MSL2: variants seen among roughly 807,000 people sequenced by gnomAD.
The protein encoded by MSL2 is E3 ubiquitin-protein ligase MSL2.
A neutral mutation model predicts 35.8 loss-of-function variants in MSL2; 2 were observed. The observed-to-expected ratio is 0.06, with a 90% CI of 0.02 to 0.18. MSL2 has a LOEUF of 0.18. Ranked by LOEUF, MSL2 falls within the 10% of genes least tolerant of loss-of-function variation. The pLI is 1.00. For synonymous variants in MSL2, 296 were observed against 255.7 expected (o/e 1.16, Z -1.50); for missense variants, 523 against 706.7 (o/e 0.74, Z 2.95).
intron 1 of MSL2, among the ~76,000 whole-genome samples, chr3:136,187,767 T>A (rs1167662416): frequency 6.6e-6 from 1 of 152,118 alleles, no homozygotes; most frequent in Non-Finnish European, 1.5e-5. Context: ...TTCAAATGCT[T>A]ATAACACTGA....
rs570445563 is a variant in MSL2 at position 136,182,485 on chromosome 3, G to C, written c.142+12487C>G. ...AAATATAAACCCTACAACCATCCTA[G>C]CTTATTGCCTGGGAATACTTTTCAG... is the stretch of plus-strand genomic sequence containing the variant. On this transcript the variant is annotated intron_variant, in intron 1 of 1. Coordinates refer to ENST00000309993, the MANE Select transcript of MSL2 (RefSeq NM_018133.4). Among the ~76,000 whole-genome samples, 4 of 152,260 alleles carry C rather than the reference G, an allele frequency of 2.6e-5. No homozygotes were observed. The South Asian group carries it at 6.2e-4, about 24-fold the overall frequency.
At chr3:136,153,159 C>A (rs1301970251) in intron 1 of MSL2, 1 of 654,650 alleles carries the variant, frequency 1.5e-6, no homozygotes, top group Non-Finnish European at 1.9e-6. Flanking sequence ...GGCTTGAGCC[C>A]TAGAGTTCAG....
rs1361098729 is a variant in MSL2 at position 136,195,876 on chromosome 3, C to CG, written c.-764dup. ...GCCGCCGCCGGCGGGCGGGAGGGGGCGGGGGGCAAGCCCGGCCGGGCCGCG... is the reference window on the plus strand; with the variant it reads ...GCCGCCGCCGGCGGGCGGGAGGGGGCGGGGGGGCAAGCCCGGCCGGGCCGCG... On this transcript the variant is annotated 5_prime_UTR_variant, in exon 1 of 2. Coordinates refer to ENST00000309993, the MANE Select transcript of MSL2 (RefSeq NM_018133.4). 5 of 932,750 alleles carry CG rather than the reference C, an allele frequency of 5.4e-6. No homozygotes were observed. The highest frequency in any genetic ancestry group is 6.4e-6 in the Non-Finnish European group (5 of 784,148). 57.8% of individuals were successfully genotyped at this position (932,750 alleles called of 1,614,324 possible). A position where few individuals can be genotyped will look rare whatever the true frequency, so the allele number is the denominator to read the frequency against.
chr3:136,182,151 A>T (rs1277415882), intron 1 of MSL2, among the ~76,000 whole-genome samples: 4 of 152,212 alleles, frequency 2.6e-5, no homozygotes, highest in Non-Finnish European at 4.4e-5. Context: ...TTATATCTGC[A>T]ATGTCCAATA....
At chr3:136,171,897 C>CTT (rs144650027) in intron 1 of MSL2, among the ~76,000 whole-genome samples, 2 of 151,710 alleles carry the variant, frequency 1.3e-5, no homozygotes, top group African/African-American at 4.8e-5. Flanking sequence ...GAAACTTTTT[C>CTT]TTTTTTTTGG....
intron 1 of MSL2, chr3:136,152,941 A>C: frequency 1.0e-6 from 1 of 985,440 alleles, no homozygotes; most frequent in Non-Finnish European, 1.2e-6. Flanking sequence ...CCATTCAGTT[A>C]TCTCAAACCA....
chr3:136,161,847 C>A (rs1939714630), intron 1 of MSL2, among the ~76,000 whole-genome samples: 1 of 152,106 alleles, frequency 6.6e-6, no homozygotes, highest in Non-Finnish European at 1.5e-5. Context: ...CAACCTTCTA[C>A]CTAATGCCAA....
intron 1 of MSL2, among the ~76,000 whole-genome samples, chr3:136,155,099 T>C (rs1939480881): frequency 6.6e-6 from 1 of 151,674 alleles, no homozygotes; most frequent in South Asian, 2.1e-4. Flanking sequence ...TCCCAGCTAC[T>C]CGGGGGAGCT....
At chr3:136,178,741 G>C (rs1360766724) in intron 1 of MSL2, among the ~76,000 whole-genome samples, 3 of 46,648 alleles carry the variant, frequency 6.4e-5, no homozygotes, top group African/African-American at 2.8e-4. Flanking sequence ...CACCATGTTG[G>C]CCAGGCTGGT....
intron 1 of MSL2, among the ~76,000 whole-genome samples, chr3:136,191,700 G>T (rs1247253881): frequency 1.3e-5 from 2 of 152,058 alleles, no homozygotes; most frequent in African/African-American, 4.8e-5. Flanking sequence ...ATGAATCCAG[G>T]AGTTTAAGGC....
intron 1 of MSL2, among the ~76,000 whole-genome samples, chr3:136,187,492 G>A (rs1477262800): frequency 1.3e-5 from 2 of 151,714 alleles, no homozygotes; most frequent in African/African-American, 4.8e-5. Flanking sequence ...GTGAAACCCT[G>A]TCTCTACTAA....
At chr3:136,172,154 T>G (rs377391986) in intron 1 of MSL2, among the ~76,000 whole-genome samples, 4 of 152,274 alleles carry the variant, frequency 2.6e-5, no homozygotes, top group Admixed American at 6.5e-5. Context: ...TAAAGTCCAA[T>G]GAAAGCTTGA....
Position 136,195,542 on chromosome 3 carries a change from G to A in MSL2, c.-429C>T. 1 of 1,002,782 alleles carries A rather than the reference G, an allele frequency of 1.0e-6. No individual in the cohort carries two copies. The allele number at this position is 1,002,782 out of a possible 1,614,324, so 62.1% of individuals were successfully genotyped here. A position where few individuals can be genotyped will look rare whatever the true frequency, so the allele number is the denominator to read the frequency against. ...GCGGGAGCAGGCCCCGGCCCCGTCT[G>A]AGGCGCGGCACGCTTCTCCCGGGCT... On this transcript the variant is annotated 5_prime_UTR_variant, in exon 1 of 2. Transcript: ENST00000309993.
chr3:136,167,735 TTTTAAA>T (rs1161711232), intron 1 of MSL2, among the ~76,000 whole-genome samples: 1 of 152,154 alleles, frequency 6.6e-6, no homozygotes, highest in African/African-American at 2.4e-5. Flanking sequence ...GAAACCAGAA[TTTTAAA>T]TGGTCAAGGT....
chr3:136,167,343 A>G (rs1271807542), intron 1 of MSL2, among the ~76,000 whole-genome samples: 1 of 113,446 alleles, frequency 8.8e-6, no homozygotes, highest in African/African-American at 4.9e-5. Flanking sequence ...GTTCTATAGA[A>G]AAAAAAAAAT....
intron 1 of MSL2, among the ~76,000 whole-genome samples, chr3:136,193,823 TACTC>T (rs1274984749): frequency 4.6e-5 from 7 of 152,286 alleles, no homozygotes; most frequent in Admixed American, 2.0e-4. Context: ...CTTAATGACT[TACTC>T]AGTTACTTAA....
rs1161962069 is a variant in MSL2 at position 136,151,444 on chromosome 3, T to C, written c.1437A>G (p.Gln479=). ...TGCGGTTAGAGTAGCAAGGGCAGCG[T>C]TGGCCTCGGCATGTAAGAACACTTG... is the stretch of plus-strand genomic sequence containing the variant. ...QNPSVLTCRG[Q]RCPCYSNRKA... Residue 479 remains glutamine, a synonymous_variant, in exon 2 of 2, where the codon CAA becomes CAG. Transcript: ENST00000309993. This position sits in a 1 kb window ranked among gnomAD's most constrained non-coding sequence, Gnocchi z 5.2. 3.7e-6 allele frequency: 6 copies of C among 1,614,212 alleles called. No individual in the cohort carries two copies. The highest frequency in any genetic ancestry group is 5.1e-6 in the Non-Finnish European group (6 of 1,180,042).
intron 1 of MSL2, among the ~76,000 whole-genome samples, chr3:136,172,318 C>T (rs904696093): frequency 2.0e-5 from 3 of 152,008 alleles, no homozygotes; most frequent in Non-Finnish European, 2.9e-5. Context: ...TTCCCTCCTA[C>T]GTAAATCCTC....
chr3:136,151,165 G>C lies in MSL2; in HGVS notation c.1716C>G (p.Asp572Glu). ...CACTGATTTAACAGTCGAATCTCAT[G>C]TCTATAGCTTCATCCAAACTTTTAT... ...HDDKSLDEAIDMRFDC is the reference protein window; with the variant it reads ...HDDKSLDEAIEMRFDC The change falls in exon 2 of 2, where the codon GAC (aspartate) becomes GAG (glutamate). Residue 572 changes from aspartate to glutamate, a missense_variant. Transcript: ENST00000309993. The surrounding 1 kb of genome is among the most constrained non-coding windows in gnomAD (Gnocchi z 5.2). The C allele has an allele frequency of 1.9e-6, 3 of 1,613,382 alleles. No homozygotes were observed. The highest frequency in any genetic ancestry group is 2.5e-6 in the Non-Finnish European group (3 of 1,179,314).
Sources: gnomAD v4.1 joint callset for allele counts (sites outside exome capture counted in the v4.1 genomes callset) on GRCh38, gnomAD v4.1.1 for gene constraint, Gnocchi (gnomAD v3.1) non-coding constraint, MANE v1.5 for transcripts, NCBI Gene and HGNC (gene_info 2026-07-23, HGNC 2026-07-21) for gene names.